The following TMEFF1 variants were observed in gnomAD, a reference collection of about 807,000 sequenced individuals.
TMEFF1 encodes the protein tomoregulin-1.
A neutral mutation model predicts 47.5 loss-of-function variants in TMEFF1; 20 were observed. The observed-to-expected ratio is 0.42, with a 90% CI of 0.30 to 0.61. The LOEUF is 0.61. TMEFF1 is among the 20% of genes least tolerant of loss of function. The pLI is 0.19. For missense variants in TMEFF1, 411 were observed against 471.1 expected (o/e 0.87, Z 1.18); for synonymous variants, 162 against 166.3 (o/e 0.97, Z 0.20).
chr9:100,560,313 C>G (rs986685201), intron 7 of TMEFF1, among the ~76,000 whole-genome samples: 13 of 151,892 alleles, frequency 8.6e-5, no homozygotes, highest in Non-Finnish European at 1.9e-4. Context: ...GTTATGAAGT[C>G]TCAGGTTTAA....
chr9:100,495,163 A>G (rs189556867), intron 1 of TMEFF1, among the ~76,000 whole-genome samples: 4 of 152,248 alleles, frequency 2.6e-5, no homozygotes, highest in African/African-American at 9.6e-5. Context: ...ACTGATATTA[A>G]TATTGTTTGT....
intron 7 of TMEFF1, among the ~76,000 whole-genome samples, chr9:100,559,127 G>A (rs1371910479): frequency 1.3e-5 from 2 of 152,214 alleles, no homozygotes; most frequent in East Asian, 3.9e-4. Context: ...GATTATTAAG[G>A]AGCTCACAGT....
intron 1 of TMEFF1, among the ~76,000 whole-genome samples, chr9:100,483,775 C>T (rs1350342023): frequency 1.3e-5 from 2 of 148,788 alleles, no homozygotes; most frequent in Non-Finnish European, 3.0e-5. Context: ...CTCTCTCTAT[C>T]GTCTGTCTGT....
intron 3 of TMEFF1, among the ~76,000 whole-genome samples, chr9:100,511,771 G>A (rs1837971038): frequency 6.6e-6 from 1 of 152,228 alleles, no homozygotes; most frequent in East Asian, 1.9e-4. Context: ...CCAAATCAGT[G>A]CTTTCTCAGT....
At chr9:100,568,217 T>C (rs1421678959) in intron 8 of TMEFF1, among the ~76,000 whole-genome samples, 1 of 152,208 alleles carries the variant, frequency 6.6e-6, no homozygotes, top group Admixed American at 6.5e-5. Flanking sequence ...TTGGTTCTTT[T>C]TGATACTCTG....
chr9:100,526,337 T>G (rs535716257), intron 5 of TMEFF1, among the ~76,000 whole-genome samples: 3 of 152,144 alleles, frequency 2.0e-5, no homozygotes, highest in Non-Finnish European at 4.4e-5. Flanking sequence ...TTTGAAAAAT[T>G]TTCTTTAGTT....
chr9:100,527,033 C>T (rs940424439), intron 5 of TMEFF1, among the ~76,000 whole-genome samples: 1 of 145,914 alleles, frequency 6.9e-6, no homozygotes, highest in African/African-American at 2.5e-5. Context: ...ATTCCAGCTA[C>T]TCTGGAGGCT....
intron 5 of TMEFF1, among the ~76,000 whole-genome samples, chr9:100,532,410 A>G (rs1331810178): frequency 6.6e-6 from 1 of 152,204 alleles, no homozygotes; most frequent in Non-Finnish European, 1.5e-5. Context: ...AAACAACCCC[A>G]TCAAAAAGTG....
At chr9:100,531,386 A>G (rs920124956) in intron 5 of TMEFF1, among the ~76,000 whole-genome samples, 18 of 152,244 alleles carry the variant, frequency 1.2e-4, no homozygotes, top group Admixed American at 3.9e-4. Flanking sequence ...AACTTCAGCA[A>G]AGTCTCAGGA....
chr9:100,556,110 CTCGAGCCTGGA>C (rs1838909135), intron 7 of TMEFF1, among the ~76,000 whole-genome samples: 1 of 152,142 alleles, frequency 6.6e-6, no homozygotes. Context: ...AACACTTGTT[CTCGAGCCTGGA>C]TCTTTTTTCA....
chr9:100,533,331 G>T (rs901824390), intron 5 of TMEFF1, among the ~76,000 whole-genome samples: 9 of 152,070 alleles, frequency 5.9e-5, no homozygotes, highest in African/African-American at 2.2e-4. Context: ...GTACCCTTAA[G>T]GTTCTATTGC....
chr9:100,515,651 T>C (rs537353811), intron 4 of TMEFF1, among the ~76,000 whole-genome samples: 2 of 152,030 alleles, frequency 1.3e-5, no homozygotes, highest in South Asian at 4.2e-4. Context: ...CTGGGCATGG[T>C]GGTGTGAACC....
intron 6 of TMEFF1, among the ~76,000 whole-genome samples, chr9:100,549,389 C>G (rs1490443136): frequency 1.3e-5 from 2 of 152,168 alleles, no homozygotes; most frequent in Non-Finnish European, 2.9e-5. Flanking sequence ...GGCCCCTTTT[C>G]CAACGTTGGG....
chr9:100,513,180 A>C, intron 3 of TMEFF1, 127 bp from the exon 4 acceptor site: 8 of 1,319,442 alleles, frequency 6.1e-6, no homozygotes, highest in Non-Finnish European at 8.3e-6. Context: ...TAAGATATCA[A>C]AAATATGAGA....
Position 100,560,136 on chromosome 9 carries a change from T to A in TMEFF1, c.776-1261T>A, listed in dbSNP as rs186299070. Among the ~76,000 whole-genome samples the A allele has an allele frequency of 5.9e-3, 903 of 152,294 alleles. 8 individuals are homozygous for A. Among genetic ancestry groups the A allele is most frequent in the African/African-American group, 0.02 (843 of 41,570 alleles). ...ATTTGTTTCCATTAACATTAAAAAA[T>A]TTTATTAATACCTTTTATTTGTATT... On this transcript the variant is annotated intron_variant, in intron 7 of 9. Transcript: ENST00000374879.
intron 7 of TMEFF1, among the ~76,000 whole-genome samples, chr9:100,554,551 T>C (rs1838881713): frequency 6.6e-6 from 1 of 151,986 alleles, no homozygotes; most frequent in South Asian, 2.1e-4. Context: ...AACCTATTCA[T>C]GTTAGAAAAG....
intron 5 of TMEFF1, among the ~76,000 whole-genome samples, chr9:100,523,402 T>C (rs1249399969): frequency 6.6e-6 from 1 of 152,204 alleles, no homozygotes; most frequent in Non-Finnish European, 1.5e-5. Flanking sequence ...GTGAGCTTCC[T>C]GAGGGCAGGG....
chr9:100,537,288 A>G (rs1464323645), intron 5 of TMEFF1, among the ~76,000 whole-genome samples: 1 of 152,214 alleles, frequency 6.6e-6, no homozygotes, highest in East Asian at 1.9e-4. Context: ...TCTTGGCCTC[A>G]TATTATGAGA....
intron 8 of TMEFF1, among the ~76,000 whole-genome samples, chr9:100,569,457 AACTT>A (rs1410565006): frequency 1.3e-5 from 2 of 151,986 alleles, no homozygotes; most frequent in African/African-American, 4.8e-5. Flanking sequence ...AGATATATGG[AACTT>A]ACTTTTTTTT....
Sources: gnomAD v4.1 joint callset for allele counts (sites outside exome capture counted in the v4.1 genomes callset) on GRCh38, gnomAD v4.1.1 for gene constraint, MANE v1.5 for transcripts, NCBI Gene and HGNC (gene_info 2026-07-23, HGNC 2026-07-21) for gene names.